Variants in SOBP observed in about 807,000 individuals in gnomAD.
The protein encoded by SOBP is sine oculis-binding protein homolog.
Under a neutral mutation model 53.6 loss-of-function variants are expected in SOBP, and 4 were observed. The ratio of observed to expected loss-of-function variants is 0.07; its 90% CI spans 0.04 to 0.17. The LOEUF (loss-of-function observed/expected upper bound fraction) is 0.17, where lower values mean the gene tolerates loss of function less well. SOBP is among the 10% of genes least tolerant of loss of function. The pLI, the probability that SOBP is intolerant of heterozygous loss-of-function variation, is 1.00. For synonymous variants in SOBP, 584 were observed against 522.6 expected (o/e 1.12, Z -1.60); for missense variants, 1,088 against 1,204.7 (o/e 0.90, Z 1.43).
intron 5 of SOBP, among the ~76,000 whole-genome samples, chr6:107,598,172 C>CTTTAAAAAAAAAAGT (rs1554185916): frequency 6.7e-6 from 1 of 149,110 alleles, no homozygotes; most frequent in Non-Finnish European, 1.5e-5. Flanking sequence ...ACAAAGAGAA[C>CTTTAAAAAAAAAAGT]TTTAAAAAAA....
chr6:107,508,775 T>C (rs1330122884), intron 3 of SOBP, among the ~76,000 whole-genome samples: 1 of 152,188 alleles, frequency 6.6e-6, no homozygotes, highest in East Asian at 1.9e-4. Flanking sequence ...TCCACATTTA[T>C]TTCCCAAGGA....
At chr6:107,645,951 A>T (rs1249163382) in intron 6 of SOBP, among the ~76,000 whole-genome samples, 5 of 152,204 alleles carry the variant, frequency 3.3e-5, no homozygotes, top group Non-Finnish European at 7.3e-5. Flanking sequence ...GAGAAGCATG[A>T]GGCTGGAGGA....
intron 4 of SOBP, among the ~76,000 whole-genome samples, chr6:107,548,771 T>C (rs1484625573): frequency 2.0e-5 from 3 of 151,568 alleles, no homozygotes; most frequent in Admixed American, 6.6e-5. Flanking sequence ...ACTCTGTTTC[T>C]ACAAAATATA....
At chr6:107,498,288 G>A (rs535685912) in intron 1 of SOBP, among the ~76,000 whole-genome samples, 33 of 152,270 alleles carry the variant, frequency 2.2e-4, no homozygotes, top group Admixed American at 1.0e-3. Context: ...GTGATTGGGG[G>A]CTCTTTGAAT....
At chr6:107,636,552 C>T (rs1390424500) in intron 6 of SOBP, among the ~76,000 whole-genome samples, 1 of 152,222 alleles carries the variant, frequency 6.6e-6, no homozygotes, top group Non-Finnish European at 1.5e-5. Flanking sequence ...CCCAAGCTCT[C>T]CCGTCTATCC....
intron 4 of SOBP, 31 bp downstream of exon 4, chr6:107,533,641 C>A: frequency 8.7e-6 from 14 of 1,613,640 alleles, no homozygotes; most frequent in South Asian, 5.5e-5. Context: ...GGCGGCCCCC[C>A]ACAGGCCTCA....
Position 107,635,020 on chromosome 6 carries a change from G to T in SOBP, c.2176G>T (p.Gly726Cys). The T allele has an allele frequency of 7.4e-6, 9 of 1,209,828 alleles. No homozygotes were observed. Among genetic ancestry groups the T allele is most frequent in the East Asian group, 3.8e-5 (1 of 26,474 alleles). 74.9% of individuals were successfully genotyped at this position (1,209,828 alleles called of 1,614,324 possible). A position where few individuals can be genotyped will look rare whatever the true frequency, so the allele number is the denominator to read the frequency against. ...AAAACNVIVN[G>C]TRGAAAEGAK... ...CGCGGCCTGCAACGTCATCGTGAACGGCACGCGCGGCGCCGCCGCCGAGGG... is the reference window on the plus strand; with the variant it reads ...CGCGGCCTGCAACGTCATCGTGAACTGCACGCGCGGCGCCGCCGCCGAGGG... The change falls in exon 6 of 7, where the codon GGC becomes TGC. Residue 726 changes from glycine to cysteine, a missense_variant. Around this residue, in one of 6 missense-constraint regions of SOBP, gnomAD observed 665 missense variants for 629.7 expected, o/e 1.06. Coordinates refer to ENST00000317357, the MANE Select transcript of SOBP (RefSeq NM_018013.4). The surrounding 1 kb of genome is among the most constrained non-coding windows in gnomAD (Gnocchi z 4.5).
chr6:107,531,803 A>G (rs938886127), intron 3 of SOBP, among the ~76,000 whole-genome samples: 1 of 152,204 alleles, frequency 6.6e-6, no homozygotes, highest in African/African-American at 2.4e-5. Context: ...CTTGATAACA[A>G]TAGATCACAA....
rs1490426448 is a variant in SOBP at position 107,633,857 on chromosome 6, C to T, written c.1013C>T (p.Ala338Val). 6.2e-7 allele frequency: 1 copy of T among 1,614,220 alleles called. No individual in the cohort carries two copies. The highest frequency in any genetic ancestry group is 8.5e-7 in the Non-Finnish European group (1 of 1,180,036). ...ACCACCGTCTCTCCATCTGACACTG[C>T]CAACTGCTCTGTCACTAAAATCCCC... ...ASTTVSPSDT[A>V]NCSVTKIPTP... is the part of the protein sequence containing the mutation. The change falls in exon 6 of 7, where the codon GCC becomes GTC. Residue 338 changes from alanine (A) to valine (V), a missense_variant. Physicochemically the swap from Ala to Val is moderately conservative, Grantham distance 64. Transcript: ENST00000317357.
intron 1 of SOBP, among the ~76,000 whole-genome samples, chr6:107,492,820 A>T (rs528733355): frequency 1.3e-5 from 2 of 152,280 alleles, no homozygotes; most frequent in African/African-American, 4.8e-5. Flanking sequence ...TTACACGGCA[A>T]ATAACTCAAT....
intron 3 of SOBP, among the ~76,000 whole-genome samples, chr6:107,517,415 GGA>G (rs142925852): frequency 6.6e-6 from 1 of 151,132 alleles, no homozygotes. Flanking sequence ...TGTGGTGAAG[GGA>G]GAGAGAGAGA....
At chr6:107,639,086 A>G (rs907497596) in intron 6 of SOBP, among the ~76,000 whole-genome samples, 1 of 152,050 alleles carries the variant, frequency 6.6e-6, no homozygotes, top group Non-Finnish European at 1.5e-5. Context: ...TATTTTTGGT[A>G]GAGATGGGGT....
At chr6:107,490,755 T>TG (rs1782558500) in intron 1 of SOBP, 43 bp downstream of exon 1, 2 of 1,451,644 alleles carry the variant, frequency 1.4e-6, no homozygotes, top group Non-Finnish European at 1.9e-6. Flanking sequence ...AGCTCTTTCT[T>TG]GCGCCCGCTC....
At chr6:107,527,864 C>T (rs1783709638) in intron 3 of SOBP, among the ~76,000 whole-genome samples, 1 of 152,164 alleles carries the variant, frequency 6.6e-6, no homozygotes, top group Admixed American at 6.5e-5. Flanking sequence ...TCTGGCAATC[C>T]TTAGTTATAT....
Position 107,633,895 on chromosome 6 carries a change from A to G in SOBP, c.1051A>G (p.Lys351Glu), listed in dbSNP as rs1384052645. ...CACTAAAATCCCCACGCCAGTGCCC[A>G]AGTCCATCCCCATCAGCGAGACTCC... ...SVTKIPTPVP[K>E]SIPISETPNI... The change falls in exon 6 of 7, where the codon AAG becomes GAG. Residue 351 changes from lysine to glutamate, a missense_variant. Lys to Glu is a moderately conservative substitution (Grantham distance 56). Transcript: ENST00000317357. 1 of 1,614,084 alleles carries G rather than the reference A, an allele frequency of 6.2e-7. No individual in the cohort carries two copies.
At chr6:107,576,207 A>G (rs1401590507) in intron 4 of SOBP, among the ~76,000 whole-genome samples, 1 of 152,204 alleles carries the variant, frequency 6.6e-6, no homozygotes, top group Non-Finnish European at 1.5e-5. Flanking sequence ...AGACCCAGGG[A>G]TGTGTCGCCT....
chr6:107,560,099 A>G (rs1784731758), intron 4 of SOBP, among the ~76,000 whole-genome samples: 1 of 152,208 alleles, frequency 6.6e-6, no homozygotes, highest in African/African-American at 2.4e-5. Flanking sequence ...GTGCCTTAGA[A>G]TAACCATTCT....
chr6:107,624,007 GA>G (rs137898907), intron 5 of SOBP, among the ~76,000 whole-genome samples: 5,363 of 152,312 alleles, frequency 0.035, 280 homozygotes, highest in East Asian at 0.13. Context: ...CCAGAATTAA[GA>G]GAGAGAAGTG....
chr6:107,566,460 A>G (rs1010865228), intron 4 of SOBP, among the ~76,000 whole-genome samples: 3 of 152,224 alleles, frequency 2.0e-5, no homozygotes, highest in African/African-American at 7.2e-5. Context: ...AAGACAGAAG[A>G]TGTTACTGTG....
Sources: gnomAD v4.1 joint callset for allele counts (sites outside exome capture counted in the v4.1 genomes callset) on GRCh38, gnomAD v4.1.1 for gene constraint, gnomAD v4.1.1 regional missense constraint, Gnocchi (gnomAD v3.1) non-coding constraint, MANE v1.5 for transcripts, NCBI Gene and HGNC (gene_info 2026-07-23, HGNC 2026-07-21) for gene names.